VPS50: variants seen among roughly 807,000 people sequenced by gnomAD.
The protein encoded by VPS50 is VPS50 subunit of EARP/GARPII complex.
VPS50 carries 70 observed loss-of-function variants against 139.7 expected under a neutral mutation model. That is an observed-to-expected ratio of 0.50 (90% CI 0.41 to 0.61). The LOEUF is 0.61. Ranked by LOEUF, VPS50 falls within the 20% of genes least tolerant of loss-of-function variation. The pLI, the probability that VPS50 is intolerant of heterozygous loss-of-function variation, is 0.00. For synonymous variants in VPS50, 365 were observed against 376.7 expected (o/e 0.97, Z 0.36); for missense variants, 921 against 1,133.7 (o/e 0.81, Z 2.69).
chr7:93,320,344 ATTTC>A (rs1460979524), intron 20 of VPS50: 2 of 115,564 alleles, frequency 1.7e-5, no homozygotes, highest in Non-Finnish European at 3.7e-5. Context: ...TCAGTTTATC[ATTTC>A]TTTTTTTCTT....
intron 16 of VPS50, among the ~76,000 whole-genome samples, chr7:93,298,224 G>T (rs902474585): frequency 3.3e-5 from 5 of 152,158 alleles, no homozygotes; most frequent in African/African-American, 1.2e-4. Context: ...TGAGTTTCAT[G>T]ACTGAGAATG....
At position 93,344,741 on chromosome 7, in the gene VPS50, C is replaced by T. The variant is rs1359066709; in HGVS notation, c.2207+3166C>T. Among the ~76,000 whole-genome samples, 15 of 151,818 alleles carry T rather than the reference C, an allele frequency of 9.9e-5. No homozygotes were observed. The East Asian group carries it at 1.2e-3, about 12-fold the overall frequency. On this transcript the variant is annotated intron_variant, in intron 23 of 27. Transcript: ENST00000305866. Reference sequence around the variant, plus strand: ...TCCTGAATAACTACTGGGTACATAACGAAATGAAGGCAGAAATAAAGATGT... The same window carrying T: ...TCCTGAATAACTACTGGGTACATAATGAAATGAAGGCAGAAATAAAGATGT...
At chr7:93,321,852 A>G (rs988262120) in intron 20 of VPS50, among the ~76,000 whole-genome samples, 1 of 152,046 alleles carries the variant, frequency 6.6e-6, no homozygotes, top group African/African-American at 2.4e-5. Context: ...TTTTGTTTTT[A>G]ACTGAGTAAT....
chr7:93,243,991 T>A (rs1301110496), intron 2 of VPS50, among the ~76,000 whole-genome samples: 4 of 151,792 alleles, frequency 2.6e-5, no homozygotes, highest in Non-Finnish European at 5.9e-5. Flanking sequence ...ATAAGGGGGT[T>A]TTTTTGGCCT....
At chr7:93,353,954 G>A (rs1798627342) in intron 26 of VPS50, among the ~76,000 whole-genome samples, 193 bp downstream of exon 26, 1 of 152,082 alleles carries the variant, frequency 6.6e-6, no homozygotes, top group Non-Finnish European at 1.5e-5. Flanking sequence ...TCTTGCTAGT[G>A]GCATAGAACC....
At chr7:93,282,696 C>T (rs1163772838) in intron 12 of VPS50, among the ~76,000 whole-genome samples, 1 of 152,166 alleles carries the variant, frequency 6.6e-6, no homozygotes, top group Non-Finnish European at 1.5e-5. Flanking sequence ...GGTTAAACGA[C>T]GTTTCATTGA....
intron 20 of VPS50, among the ~76,000 whole-genome samples, chr7:93,318,097 G>A (rs1797483287): frequency 6.6e-6 from 1 of 150,886 alleles, no homozygotes. Flanking sequence ...CATACTATAT[G>A]TTATCTATAT....
chr7:93,287,144 C>T (rs997002960), intron 12 of VPS50, among the ~76,000 whole-genome samples: 14 of 151,658 alleles, frequency 9.2e-5, no homozygotes, highest in Admixed American at 4.6e-4. Context: ...GCTGGTGCTG[C>T]GTGTATCATA....
rs1205128625 is a variant in VPS50, at chr7:93,336,568, C to G, written c.2058+2371C>G. Among the ~76,000 whole-genome samples the G allele has an allele frequency of 3.3e-5, 5 of 152,176 alleles. No homozygotes were observed. In the East Asian group the frequency reaches 9.6e-4, roughly 29 times the overall value. On this transcript the variant is annotated intron_variant, in intron 22 of 27. Transcript: ENST00000305866. ...TCACTATGTCACCCAGGCTGGAGTG[C>G]AGTGGTAAGATCTTGTCTCACTGCA...
At chr7:93,256,421 T>C (rs1297841296) in intron 4 of VPS50, 88 bp from the exon 5 acceptor site, 2 of 631,936 alleles carry the variant, frequency 3.2e-6, no homozygotes, top group Admixed American at 3.5e-5. Flanking sequence ...ATCTATGGAA[T>C]ATTCTTTTAA....
chr7:93,291,524 G>A (rs898467665), intron 12 of VPS50, among the ~76,000 whole-genome samples, 179 bp from the exon 13 acceptor site: 5 of 152,046 alleles, frequency 3.3e-5, no homozygotes, highest in African/African-American at 1.2e-4. Flanking sequence ...GCCATGTTGA[G>A]ATGGGAATTA....
At chr7:93,264,003 C>T (rs372342261) in intron 9 of VPS50, among the ~76,000 whole-genome samples, 2 of 152,046 alleles carry the variant, frequency 1.3e-5, no homozygotes, top group African/African-American at 2.4e-5. Flanking sequence ...AAGGAGGATG[C>T]GGATAGGTTA....
At chr7:93,334,527 GA>G (rs1798022688) in intron 22 of VPS50, among the ~76,000 whole-genome samples, 1 of 152,214 alleles carries the variant, frequency 6.6e-6, no homozygotes, top group Non-Finnish European at 1.5e-5. Flanking sequence ...ATGGGAGAGA[GA>G]AAAGTCTTTA....
intron 5 of VPS50, among the ~76,000 whole-genome samples, chr7:93,256,984 A>G (rs544783982): frequency 1.3e-5 from 2 of 152,234 alleles, no homozygotes; most frequent in East Asian, 3.9e-4. Flanking sequence ...TGAAATGTCT[A>G]CCAATGTTCA....
Position 93,285,818 on chromosome 7 carries a change from G to A in VPS50, c.943-5885G>A, listed in dbSNP as rs545175564. Reference sequence around the variant, plus strand: ...ATTGGATTAAGGAATGAATTGTGGCGTTGGAATGTGAAGCATAGTGGAAAT... The same window carrying A: ...ATTGGATTAAGGAATGAATTGTGGCATTGGAATGTGAAGCATAGTGGAAAT... On this transcript the variant is annotated intron_variant, in intron 12 of 27. Transcript: ENST00000305866. 1.4e-4 allele frequency among the ~76,000 whole-genome samples: 22 copies of A among 152,272 alleles called. No homozygotes were observed. The East Asian group carries it at 2.3e-3, about 16-fold the overall frequency.
At chr7:93,322,405 C>G (rs962613929) in intron 20 of VPS50, among the ~76,000 whole-genome samples, 3 of 151,702 alleles carry the variant, frequency 2.0e-5, no homozygotes, top group African/African-American at 7.3e-5. Flanking sequence ...CGAGACCATC[C>G]TGGCTAACAC....
chr7:93,310,676 G>T (rs908525293), intron 19 of VPS50, among the ~76,000 whole-genome samples: 1 of 151,780 alleles, frequency 6.6e-6, no homozygotes, highest in African/African-American at 2.4e-5. Flanking sequence ...TTTTCTGAGC[G>T]CACTCTGTTC....
intron 11 of VPS50, chr7:93,273,305 G>A (rs931967303): frequency 2.6e-5 from 4 of 151,986 alleles, no homozygotes; most frequent in African/African-American, 9.7e-5. Flanking sequence ...AGGTGCCATG[G>A]TTTTGAAAGT....
At chr7:93,291,944 A>G in intron 13 of VPS50, 109 bp downstream of exon 13, 1 of 682,542 alleles carries the variant, frequency 1.5e-6, no homozygotes, top group Non-Finnish European at 2.3e-6. Context: ...TTCAAAGATT[A>G]CAGTGACCAT....
Sources: gnomAD v4.1 joint callset for allele counts (sites outside exome capture counted in the v4.1 genomes callset) on GRCh38, gnomAD v4.1.1 for gene constraint, MANE v1.5 for transcripts, NCBI Gene and HGNC (gene_info 2026-07-23, HGNC 2026-07-21) for gene names.